Variants in CLMN observed in about 807,000 individuals in gnomAD.
CLMN encodes the protein calmin (calponin-like, transmembrane).
Under a neutral mutation model 92.7 loss-of-function variants are expected in CLMN, and 57 were observed. The observed-to-expected ratio is 0.61, with a 90% confidence interval of 0.50 to 0.77. The LOEUF is 0.77. Ranked by LOEUF, CLMN falls within the 30% of genes least tolerant of loss-of-function variation. CLMN has a pLI of 0.00. For missense variants in CLMN, 1,158 were observed against 1,237.5 expected (o/e 0.94, Z 0.96); for synonymous variants, 466 against 470.6 (o/e 0.99, Z 0.13).
chr14:95,252,881 CG>C (rs1898846059), intron 1 of CLMN, among the ~76,000 whole-genome samples: 1 of 152,176 alleles, frequency 6.6e-6, no homozygotes, highest in South Asian at 2.1e-4. Flanking sequence ...AGCTTTGCAT[CG>C]GGAACCCTTC....
At chr14:95,232,386 T>C (rs1269683068) in intron 1 of CLMN, among the ~76,000 whole-genome samples, 1 of 152,280 alleles carries the variant, frequency 6.6e-6, no homozygotes, top group African/African-American at 2.4e-5. Context: ...ATTGATCTCC[T>C]GCAGGAGAGC....
At chr14:95,212,910 C>T (rs914394844) in intron 6 of CLMN, among the ~76,000 whole-genome samples, 9 of 151,838 alleles carry the variant, frequency 5.9e-5, no homozygotes, top group Non-Finnish European at 1.0e-4. Flanking sequence ...CTCAGCCTCC[C>T]GAGTAGCTGG....
intron 1 of CLMN, among the ~76,000 whole-genome samples, chr14:95,279,180 G>C (rs891933820): frequency 6.6e-6 from 1 of 152,114 alleles, no homozygotes; most frequent in Non-Finnish European, 1.5e-5. Context: ...ATACCTTTTA[G>C]TTCGTGTCAC....
intron 1 of CLMN, among the ~76,000 whole-genome samples, chr14:95,267,556 G>GCCA (rs1899523367): frequency 6.6e-6 from 1 of 152,216 alleles, no homozygotes; most frequent in Non-Finnish European, 1.5e-5. Flanking sequence ...AGAATGTGGA[G>GCCA]AAAGGGGAGC....
In CLMN at chr14:95,259,200, G is replaced by T. The variant is rs1229042343; in HGVS notation, c.83-29067C>A. On this transcript the variant is annotated intron_variant, in intron 1 of 12. Coordinates refer to ENST00000298912, the MANE Select transcript of CLMN (RefSeq NM_024734.4). This position sits in a 1 kb window ranked among gnomAD's most constrained non-coding sequence, Gnocchi z 4.3. ...AGCGGAGAGCTGTGCCGGCCAGCAG[G>T]GCTAGGAAAGCAGTGGGCCGGCCTC... Among the ~76,000 whole-genome samples the T allele has an allele frequency of 6.6e-6, 1 of 152,166 alleles. No homozygotes were observed. The highest frequency in any genetic ancestry group is 2.1e-4 in the South Asian group (1 of 4,830).
At chr14:95,219,462 A>AG (rs1263491496) in intron 4 of CLMN, among the ~76,000 whole-genome samples, 13 of 152,286 alleles carry the variant, frequency 8.5e-5, no homozygotes, top group African/African-American at 3.1e-4. Context: ...TAATCAATCA[A>AG]GGGGGGTGAC....
chr14:95,202,070 G>A (rs2140572032), intron 9 of CLMN, among the ~76,000 whole-genome samples: 1 of 152,302 alleles, frequency 6.6e-6, no homozygotes, highest in South Asian at 2.1e-4. Context: ...ATAGCAGAAT[G>A]ATTTATATTC....
At chr14:95,240,391 TA>T (rs1455068228) in intron 1 of CLMN, among the ~76,000 whole-genome samples, 1 of 152,094 alleles carries the variant, frequency 6.6e-6, no homozygotes, top group Non-Finnish European at 1.5e-5. Context: ...GTTCCAGGTA[TA>T]CCACTTCCAG....
chr14:95,240,804 A>C (rs2140654296), intron 1 of CLMN, among the ~76,000 whole-genome samples: 1 of 152,328 alleles, frequency 6.6e-6, no homozygotes, highest in East Asian at 1.9e-4. Flanking sequence ...TGAGTCTCAG[A>C]GAGGGGAAGT....
chr14:95,306,483 C>A (rs1272433611), intron 1 of CLMN, among the ~76,000 whole-genome samples: 1 of 151,956 alleles, frequency 6.6e-6, no homozygotes, highest in Non-Finnish European at 1.5e-5. Flanking sequence ...CATACCACTG[C>A]ACAGAGACAG....
Position 95,196,615 on chromosome 14 carries a change from T to C in CLMN, c.2591A>G (p.Lys864Arg). 1 of 1,614,238 alleles carries C rather than the reference T, an allele frequency of 6.2e-7. No homozygotes were observed. Among genetic ancestry groups the C allele is most frequent in the Non-Finnish European group, 8.5e-7 (1 of 1,180,036 alleles). The change falls in exon 10 of 13, where the codon AAA becomes AGA. Residue 864 changes from lysine (K) to arginine (R), a missense_variant. Physicochemically the swap from Lys to Arg is conservative, Grantham distance 26. Transcript: ENST00000298912. Reference protein sequence around the residue: ...NVTKESISSKKKEKRKHVDHV... With the variant: ...NVTKESISSKRKEKRKHVDHV... ...GTCCACATGTTTCCTTTTTTCCTTT[T>C]TTTTACTACTGATTGATTCTTTCGT...
At chr14:95,245,194 A>AC (rs1491250953) in intron 1 of CLMN, among the ~76,000 whole-genome samples, 1 of 35,494 alleles carries the variant, frequency 2.8e-5, no homozygotes, top group African/African-American at 1.4e-4. Flanking sequence ...ATATATATAT[A>AC]ATATATATAT....
chr14:95,273,375 C>T (rs926317842), intron 1 of CLMN, among the ~76,000 whole-genome samples: 1 of 152,214 alleles, frequency 6.6e-6, no homozygotes. Context: ...AAGGGCTCCT[C>T]CCTATTCACT....
rs780340285 is a variant in CLMN at position 95,203,104 on chromosome 14, C to T, written c.2245G>A (p.Asp749Asn). 2.5e-6 allele frequency: 4 copies of T among 1,613,640 alleles called. No individual in the cohort carries two copies. The highest frequency in any genetic ancestry group is 1.6e-4 in the Middle Eastern group (1 of 6,062). The change falls in exon 9 of 13, where the codon GAT becomes AAT. Residue 749 changes from aspartate (D) to asparagine (N), a missense_variant. Asp to Asn is a conservative substitution (Grantham distance 23). Transcript: ENST00000298912. ...VLEAYVEDPE[D>N]LKNEEMDLEE... ...AGATCCATTTCTTCATTTTTTAGAT[C>T]CTCCGGGTCTTCTACATAAGCCTCC...
At chr14:95,284,104 A>C (rs892061058) in intron 1 of CLMN, among the ~76,000 whole-genome samples, 16 of 152,134 alleles carry the variant, frequency 1.1e-4, no homozygotes, top group Non-Finnish European at 2.1e-4. Flanking sequence ...CAGCCGCTCC[A>C]GTTGTGGTGG....
chr14:95,292,500 G>T (rs1233650258), intron 1 of CLMN, among the ~76,000 whole-genome samples: 1 of 130,396 alleles, frequency 7.7e-6, no homozygotes, highest in Non-Finnish European at 1.6e-5. Flanking sequence ...CCCTCCAGGA[G>T]GTGTAAGTAA....
chr14:95,209,673 C>G (rs2140588421), intron 7 of CLMN, among the ~76,000 whole-genome samples, 196 bp from the exon 8 acceptor site: 1 of 152,338 alleles, frequency 6.6e-6, no homozygotes, highest in South Asian at 2.1e-4. Context: ...AACAGAGAAG[C>G]AAGGATATAG....
chr14:95,287,328 C>A (rs1900383810), intron 1 of CLMN, among the ~76,000 whole-genome samples: 1 of 152,216 alleles, frequency 6.6e-6, no homozygotes, highest in Admixed American at 6.5e-5. Context: ...TCCATGGAGG[C>A]CACATGCAAC....
intron 1 of CLMN, among the ~76,000 whole-genome samples, chr14:95,304,876 A>C (rs1901212356): frequency 6.6e-6 from 1 of 152,110 alleles, no homozygotes; most frequent in African/African-American, 2.4e-5. Context: ...CCTGGGAGGA[A>C]AGACCTAAAG....
Sources: gnomAD v4.1 joint callset for allele counts (sites outside exome capture counted in the v4.1 genomes callset) on GRCh38, gnomAD v4.1.1 for gene constraint, Gnocchi (gnomAD v3.1) non-coding constraint, MANE v1.5 for transcripts, NCBI Gene and HGNC (gene_info 2026-07-23, HGNC 2026-07-21) for gene names.